Variants in CCM2 observed in about 807,000 individuals in gnomAD.
The protein encoded by CCM2 is CCM2 scaffold protein, also known as cerebral cavernous malformations 2 protein.
In CCM2, 25 loss-of-function variants were observed where a neutral mutation model predicts 44.9. The observed-to-expected ratio is 0.56, with a 90% CI of 0.41 to 0.78. CCM2 has a LOEUF of 0.78. Among genes scored for constraint, CCM2 ranks in the 30% least tolerant of loss-of-function variants. The pLI is 0.00. For missense variants in CCM2, 481 were observed against 580.6 expected (o/e 0.83, Z 1.76); for synonymous variants, 219 against 241.1 (o/e 0.91, Z 0.85).
chr7:45,005,464 G>T (rs1381683116), intron 1 of CCM2, among the ~76,000 whole-genome samples: 1 of 152,236 alleles, frequency 6.6e-6, no homozygotes, highest in Non-Finnish European at 1.5e-5. Flanking sequence ...CAGACGAGAA[G>T]GGCGTCTGCA....
chr7:45,073,193 A>C, intron 7 of CCM2: 1 of 580,684 alleles, frequency 1.7e-6, no homozygotes. Flanking sequence ...CCCCTGCCCA[A>C]CAATGCTGCC....
chr7:45,073,632 G>C, intron 8 of CCM2, 61 bp downstream of exon 8: 1 of 1,209,454 alleles, frequency 8.3e-7, no homozygotes, highest in Non-Finnish European at 1.2e-6. Context: ...AGGGAGGATG[G>C]GGGGAAGGGG....
At chr7:45,007,019 T>C (rs9655047) in intron 1 of CCM2, among the ~76,000 whole-genome samples, 22,382 of 152,064 alleles carry the variant, frequency 0.15, 3,193 homozygotes, top group African/African-American at 0.37. Context: ...GACAGAAGAG[T>C]AACAAGCCTT....
intron 2 of CCM2, among the ~76,000 whole-genome samples, chr7:45,059,573 C>T (rs555189459): frequency 6.3e-4 from 96 of 152,002 alleles, no homozygotes; most frequent in Non-Finnish European, 9.3e-4. Context: ...GGCAAAACCC[C>T]GTCTGTCTCT....
chr7:45,073,761 A>G (rs1799206022), intron 8 of CCM2, 190 bp downstream of exon 8: 4 of 590,432 alleles, frequency 6.8e-6, no homozygotes, highest in African/African-American at 3.7e-5. Context: ...AGCATCAGTC[A>G]GTGGGGCTGA....
At chr7:45,036,282 A>T (rs918682754) in intron 1 of CCM2, among the ~76,000 whole-genome samples, 1 of 152,148 alleles carries the variant, frequency 6.6e-6, no homozygotes, top group Admixed American at 6.6e-5. Context: ...TCCTGATTCC[A>T]TGTCTGTTTT....
At chr7:45,027,467 G>C (rs1796739900) in intron 1 of CCM2, 1 of 624,924 alleles carries the variant, frequency 1.6e-6, no homozygotes, top group Admixed American at 2.9e-5. Context: ...GCGTGCTGTG[G>C]GAAGTAGGGA....
intron 6 of CCM2, 84 bp downstream of exon 6, chr7:45,070,045 C>T (rs1583984341): frequency 6.5e-7 from 1 of 1,545,120 alleles, no homozygotes; most frequent in Non-Finnish European, 8.9e-7. Context: ...ATGAGTTACT[C>T]CTGGAATAGC....
At chr7:45,044,729 G>A (rs939715111) in intron 2 of CCM2, among the ~76,000 whole-genome samples, 8 of 152,152 alleles carry the variant, frequency 5.3e-5, no homozygotes, top group African/African-American at 1.9e-4. Context: ...AGACATTAGT[G>A]ACCTCATATG....
Position 45,068,593 on chromosome 7 carries a change from GC to G in CCM2, c.609+18del. 1 of 1,613,546 alleles carries G rather than the reference GC, an allele frequency of 6.2e-7. No individual in the cohort carries two copies. On this transcript the variant is annotated intron_variant, in intron 5 of 9. Transcript: ENST00000258781. ...GCAGAGAGCAAGGTGAGACTTTCTC[GC>G]CCCACTTACTCAGAACTGGCTCCTC...
chr7:45,066,565 C>A lies in CCM2; in HGVS notation c.473-1878C>A, dbSNP rs537187223. On this transcript the variant is annotated intron_variant, in intron 4 of 9. Coordinates refer to ENST00000258781, the MANE Select transcript of CCM2 (RefSeq NM_031443.4). Reference sequence around the variant, plus strand: ...AGCAAGTCTCTGTGCCTCTTTGGACCAAAAGTACGCTGGTATTTGGGATAG... The same window carrying A: ...AGCAAGTCTCTGTGCCTCTTTGGACAAAAAGTACGCTGGTATTTGGGATAG... 3.3e-5 allele frequency among the ~76,000 whole-genome samples: 5 copies of A among 152,276 alleles called. No homozygotes were observed. The East Asian group carries it at 9.6e-4, about 29-fold the overall frequency.
intron 1 of CCM2, among the ~76,000 whole-genome samples, chr7:45,021,504 C>T (rs1489881736): frequency 1.3e-5 from 2 of 151,182 alleles, no homozygotes; most frequent in South Asian, 2.1e-4. Context: ...GGTAGAGTTG[C>T]AGTGAGCTGA....
In CCM2 at chr7:45,074,323, C is replaced by A; in HGVS notation, c.969C>A (p.His323Gln). 1 of 1,613,786 alleles carries A rather than the reference C, an allele frequency of 6.2e-7. No individual in the cohort carries two copies. Among genetic ancestry groups the A allele is most frequent in the Non-Finnish European group, 8.5e-7 (1 of 1,180,026 alleles). Residue 323 changes from histidine (H) to glutamine (Q), a missense_variant, in exon 9 of 10, where the codon CAC (histidine) becomes CAA (glutamine). Coordinates refer to ENST00000258781, the MANE Select transcript of CCM2 (RefSeq NM_031443.4). ...TCCAGCAGTTTGCAGCACTGCTGCACGAGTACCGCAATGGGGCCTCTATCC... is the reference window on the plus strand; with the variant it reads ...TCCAGCAGTTTGCAGCACTGCTGCAAGAGTACCGCAATGGGGCCTCTATCC... ...QEIQQFAALL[H>Q]EYRNGASIHE...
intron 1 of CCM2, among the ~76,000 whole-genome samples, chr7:45,019,994 T>C (rs1796421281): frequency 6.6e-6 from 1 of 152,170 alleles, no homozygotes; most frequent in Admixed American, 6.5e-5. Context: ...TACTCAGACT[T>C]TGGGTTCCTT....
At chr7:45,071,813 G>A (rs1402669188) in intron 6 of CCM2, 8 of 456,542 alleles carry the variant, frequency 1.8e-5, no homozygotes, top group South Asian at 1.2e-4. Flanking sequence ...CTGCATTTCA[G>A]GACTCTTGCA....
chr7:45,030,362 T>C (rs1796902534), intron 1 of CCM2, among the ~76,000 whole-genome samples: 1 of 152,234 alleles, frequency 6.6e-6, no homozygotes, highest in African/African-American at 2.4e-5. Context: ...TAGTACATTC[T>C]AGTGAGTTAA....
At chr7:45,068,930 G>T (rs754818294) in intron 5 of CCM2, among the ~76,000 whole-genome samples, 2 of 152,232 alleles carry the variant, frequency 1.3e-5, no homozygotes, top group African/African-American at 4.8e-5. Context: ...CCTGGCCACT[G>T]AGCTTTTTGC....
intron 1 of CCM2, among the ~76,000 whole-genome samples, chr7:45,008,356 CTTTTTTTTTTTTTTTTT>C (rs59435094): frequency 8.7e-6 from 1 of 114,774 alleles, no homozygotes; most frequent in Non-Finnish European, 1.7e-5. Flanking sequence ...GGTACATGTT[CTTTTTTTTTTTTTTTTT>C]TTTTTTTTTT....
chr7:45,007,050 C>G (rs950328015), intron 1 of CCM2, among the ~76,000 whole-genome samples: 1 of 152,146 alleles, frequency 6.6e-6, no homozygotes, highest in Admixed American at 6.5e-5. Flanking sequence ...TCATTCTGGC[C>G]TCATCTGCTG....
Sources: allele counts gnomAD v4.1 joint callset (sites outside exome capture counted in the v4.1 genomes callset), GRCh38; gene constraint gnomAD v4.1.1; transcripts MANE v1.5; gene names NCBI Gene and HGNC (gene_info 2026-07-23, HGNC 2026-07-21).